Variants in NAV1 observed in about 807,000 individuals in gnomAD.
NAV1 encodes the protein pore membrane and/or filament interacting like protein 3.
Under a neutral mutation model 175.2 loss-of-function variants are expected in NAV1, and 18 were observed. The observed-to-expected ratio is 0.10, with a 90% confidence interval of 0.07 to 0.15. The LOEUF (loss-of-function observed/expected upper bound fraction) is 0.15, where lower values mean the gene tolerates loss of function less well. Among genes scored for constraint, NAV1 ranks in the 10% least tolerant of loss-of-function variants. The pLI is 1.00. For synonymous variants in NAV1, 897 were observed against 978.7 expected (o/e 0.92, Z 1.56); for missense variants, 1,731 against 2,436.6 (o/e 0.71, Z 6.10).
intron 6 of NAV1, 144 bp downstream of exon 10, chr1:201,783,013 A>C: frequency 5.9e-6 from 4 of 677,576 alleles, no homozygotes; most frequent in East Asian, 2.8e-5. Flanking sequence ...TCTCCCCCAT[A>C]TGCCAAGGTT....
intron 2 of NAV1, among the ~76,000 whole-genome samples, chr1:201,604,538 C>A (rs748319682): frequency 1.3e-5 from 2 of 151,778 alleles, no homozygotes; most frequent in Non-Finnish European, 2.9e-5. Context: ...AAAAATTAGC[C>A]GGGCATGCTA....
At chr1:201,799,915 C>T (rs1459723940) in intron 15 of NAV1, among the ~76,000 whole-genome samples, 1 of 150,828 alleles carries the variant, frequency 6.6e-6, no homozygotes, top group Non-Finnish European at 1.5e-5. Flanking sequence ...ACTGATATAT[C>T]TCAACTAATT....
upstream of NAV1, among the ~76,000 whole-genome samples, chr1:201,620,816 A>C (rs1336268770): frequency 6.6e-6 from 1 of 152,114 alleles, no homozygotes; most frequent in South Asian, 2.1e-4. Context: ...ATTTTCTGCG[A>C]TATAGTACAT....
chr1:201,631,239 C>T (rs1379306742), intron 2 of NAV1, among the ~76,000 whole-genome samples: 1 of 152,220 alleles, frequency 6.6e-6, no homozygotes, highest in Non-Finnish European at 1.5e-5. Flanking sequence ...ATACGCCGAG[C>T]TCTTTGATGG....
At chr1:201,649,004 C>T in exon 1 of NAV1, 3 of 1,613,484 alleles carry the variant, frequency 1.9e-6, no homozygotes, top group Non-Finnish European at 1.7e-6. Flanking sequence ...CCGAATGGAG[C>T]GACGATATGG....
chr1:201,760,861 G>T (rs937706831), intron 3 of NAV1, among the ~76,000 whole-genome samples: 1 of 152,082 alleles, frequency 6.6e-6, no homozygotes, highest in Non-Finnish European at 1.5e-5. Context: ...AACTAACATG[G>T]TACCATGTAG....
chr1:201,776,072 A>T (rs575248475), intron 3 of NAV1, among the ~76,000 whole-genome samples: 1 of 152,136 alleles, frequency 6.6e-6, no homozygotes, highest in South Asian at 2.1e-4. Context: ...ATACATATAC[A>T]TATATACAAT....
Position 201,774,986 on chromosome 1 carries a change from AC to A in NAV1, c.1227-5431del, listed in dbSNP as rs562472302. ...GAAGTGGGGCAGCAACTCAATTTGC[AC>A]CCCAGAATCCTCAAAAAGCTTCATA... On this transcript the variant is annotated intron_variant, in intron 3 of 29. Transcript: ENST00000367296. Among the ~76,000 whole-genome samples, 851 of 152,326 alleles carry A rather than the reference AC, an allele frequency of 5.6e-3. 8 individuals are homozygous for A. Among genetic ancestry groups the A allele is most frequent in the South Asian group, 0.026 (126 of 4,830 alleles).
chr1:201,544,924 A>G (rs1665625192), intron 1 of NAV1, among the ~76,000 whole-genome samples: 1 of 152,242 alleles, frequency 6.6e-6, no homozygotes, highest in African/African-American at 2.4e-5. Flanking sequence ...GGACCATGAC[A>G]TAACTAAGAC....
In NAV1 at chr1:201,782,911, T is replaced by A. The variant is rs973740557; in HGVS notation, c.2357+42T>A. The A allele has an allele frequency of 1.3e-6, 2 of 1,509,006 alleles. No homozygotes were observed. The highest frequency in any genetic ancestry group is 1.8e-6 in the Non-Finnish European group (2 of 1,121,116). 93.5% of individuals were successfully genotyped at this position (1,509,006 alleles called of 1,614,324 possible). ...GCCGCCTCCTTGTCTGTTTGCTTTGTCATTCTTTCGCATATCTCTGCCCTC... is the reference window on the plus strand; with the variant it reads ...GCCGCCTCCTTGTCTGTTTGCTTTGACATTCTTTCGCATATCTCTGCCCTC... On this transcript the variant is annotated intron_variant, in intron 6 of 29. Transcript: ENST00000367296. This position sits in a 1 kb window ranked among gnomAD's most constrained non-coding sequence, Gnocchi z 5.4.
rs186634161 is a variant in NAV1, at chr1:201,800,166, A to T, written c.3518-3427A>T. On this transcript the variant is annotated intron_variant, in intron 15 of 29. Coordinates refer to ENST00000367296, the Ensembl canonical transcript of NAV1. ...AGGTGCGCACCACCATGCCCAGCTAACTTTTTGTATTTTTAGTAGAGATGG... is the reference window on the plus strand; with the variant it reads ...AGGTGCGCACCACCATGCCCAGCTATCTTTTTGTATTTTTAGTAGAGATGG... 2.9e-4 allele frequency among the ~76,000 whole-genome samples: 44 copies of T among 152,036 alleles called. 1 individual carries two copies. The highest frequency in any genetic ancestry group is 9.9e-4 in the African/African-American group (41 of 41,474).
chr1:201,584,595 G>T (rs1388369575), intron 1 of NAV1, among the ~76,000 whole-genome samples: 1 of 152,204 alleles, frequency 6.6e-6, no homozygotes, highest in Non-Finnish European at 1.5e-5. Flanking sequence ...CTCAGCAGCT[G>T]GTTCCAGCTT....
chr1:201,594,491 G>C (rs1323992757), intron 2 of NAV1, among the ~76,000 whole-genome samples: 1 of 152,212 alleles, frequency 6.6e-6, no homozygotes, highest in Non-Finnish European at 1.5e-5. Context: ...AGCCAGAGGC[G>C]AAGCCGGGTT....
At chr1:201,596,712 T>G (rs556408693) in intron 2 of NAV1, among the ~76,000 whole-genome samples, 1 of 152,270 alleles carries the variant, frequency 6.6e-6, no homozygotes, top group South Asian at 2.1e-4. Flanking sequence ...GTGTGGGAGA[T>G]AGAGTGGTGA....
intron 2 of NAV1, among the ~76,000 whole-genome samples, chr1:201,605,963 A>G (rs1367024132): frequency 6.6e-6 from 1 of 152,176 alleles, no homozygotes; most frequent in South Asian, 2.1e-4. Flanking sequence ...GACTGCAGGG[A>G]AAAAGAGGGA....
At chr1:201,762,392 C>A (rs1460961627) in intron 3 of NAV1, among the ~76,000 whole-genome samples, 1 of 152,176 alleles carries the variant, frequency 6.6e-6, no homozygotes, top group African/African-American at 2.4e-5. Flanking sequence ...GACCTTTGGC[C>A]TGCTTGGCCA....
chr1:201,712,753 GA>G, intron 1 of NAV1, 63 bp from the exon 6 acceptor site: 2 of 1,145,564 alleles, frequency 1.7e-6, no homozygotes, highest in Non-Finnish European at 1.3e-6. Context: ...TCCACTTCCT[GA>G]CCCCCAGGAT....
intron 1 of NAV1, among the ~76,000 whole-genome samples, chr1:201,650,924 C>T (rs559563275): frequency 5.9e-5 from 9 of 152,268 alleles, no homozygotes; most frequent in African/African-American, 2.2e-4. Context: ...ATGTGCCACC[C>T]GGTCCTCAGT....
At chr1:201,576,607 C>A (rs957437726) in intron 1 of NAV1, among the ~76,000 whole-genome samples, 3 of 152,052 alleles carry the variant, frequency 2.0e-5, no homozygotes, top group Admixed American at 2.0e-4. Context: ...TATATTCATT[C>A]GTGTAGAGGT....
Sources: gnomAD v4.1 joint callset for allele counts (sites outside exome capture counted in the v4.1 genomes callset) on GRCh38, gnomAD v4.1.1 for gene constraint, Gnocchi (gnomAD v3.1) non-coding constraint, MANE v1.5 for transcripts, NCBI Gene and HGNC (gene_info 2026-07-23, HGNC 2026-07-21) for gene names.